The following ADAMTSL1 variants were observed in gnomAD, a reference collection of about 807,000 sequenced individuals.
ADAMTSL1 encodes ADAMTS like 1.
Under a neutral mutation model 201.8 loss-of-function variants are expected in ADAMTSL1, and 126 were observed. That is an observed-to-expected ratio of 0.62 (90% CI 0.54 to 0.72). ADAMTSL1 has a LOEUF of 0.72. ADAMTSL1 is among the 30% of genes least tolerant of loss of function. ADAMTSL1 has a pLI of 0.00. For missense variants in ADAMTSL1, 2,679 were observed against 2,277.8 expected (o/e 1.18, Z -3.59); for synonymous variants, 1,121 against 903.4 (o/e 1.24, Z -4.32).
chr9:18,904,271 C>T (rs1458943379), intron 26 of ADAMTSL1, among the ~76,000 whole-genome samples: 1 of 152,068 alleles, frequency 6.6e-6, no homozygotes, highest in Non-Finnish European at 1.5e-5. Flanking sequence ...GAATTCAAAA[C>T]CAGCCTGACC....
intron 1 of ADAMTSL1, among the ~76,000 whole-genome samples, chr9:17,961,954 G>T (rs921086196): frequency 6.6e-6 from 1 of 152,152 alleles, no homozygotes; most frequent in Non-Finnish European, 1.5e-5. Flanking sequence ...AAACATAGTA[G>T]CATTCACTCT....
chr9:18,785,804 A>C (rs1179689787), intron 19 of ADAMTSL1, among the ~76,000 whole-genome samples: 1 of 152,258 alleles, frequency 6.6e-6, no homozygotes, highest in Non-Finnish European at 1.5e-5. Flanking sequence ...TTCTAGAAAC[A>C]ATACCTGGAA....
intron 1 of ADAMTSL1, among the ~76,000 whole-genome samples, chr9:17,922,606 C>T (rs1006276692): frequency 1.3e-5 from 2 of 152,098 alleles, no homozygotes; most frequent in East Asian, 3.9e-4. Flanking sequence ...TTAGGAAACA[C>T]TGATATGATG....
intron 4 of ADAMTSL1, among the ~76,000 whole-genome samples, chr9:18,585,214 G>A (rs10963650): frequency 1.3e-5 from 2 of 151,898 alleles, no homozygotes; most frequent in Admixed American, 6.6e-5. Flanking sequence ...TTTCCATCTT[G>A]CTATTCCATT....
At chr9:18,579,094 C>G (rs1001940375) in intron 4 of ADAMTSL1, among the ~76,000 whole-genome samples, 1 of 151,492 alleles carries the variant, frequency 6.6e-6, no homozygotes, top group East Asian at 1.9e-4. Flanking sequence ...TGGAACCAAC[C>G]CAAATGTCCA....
In ADAMTSL1 at chr9:18,777,087, G is replaced by T. The variant is rs372249026; in HGVS notation, c.2858G>T (p.Arg953Leu). Residue 953 changes from arginine (R) to leucine (L), a missense_variant, in exon 19 of 29, where the codon CGG (arginine) becomes CTG (leucine). Coordinates refer to ENST00000380548, the MANE Select transcript of ADAMTSL1 (RefSeq NM_001040272.6). The part of the protein sequence containing the change: ...GVYTCSAGPA[R>L]EHFVIKLIGG... ...TACACCTGCTCAGCGGGCCCGGCCCGGGAGCACTTTGTGATTAAGCTCATC... is the reference window on the plus strand; with the variant it reads ...TACACCTGCTCAGCGGGCCCGGCCCTGGAGCACTTTGTGATTAAGCTCATC... The T allele has an allele frequency of 6.2e-7, 1 of 1,613,204 alleles. No homozygotes were observed. Among genetic ancestry groups the T allele is most frequent in the Non-Finnish European group, 8.5e-7 (1 of 1,179,796 alleles).
chr9:18,844,301 T>A (rs1563850960), intron 23 of ADAMTSL1, among the ~76,000 whole-genome samples: 2 of 152,228 alleles, frequency 1.3e-5, no homozygotes, highest in Non-Finnish European at 2.9e-5. Flanking sequence ...AGAGGTCCAC[T>A]CCAGACCCTG....
At chr9:18,419,437 C>A (rs1818837944) in intron 2 of ADAMTSL1, among the ~76,000 whole-genome samples, 1 of 152,098 alleles carries the variant, frequency 6.6e-6, no homozygotes, top group African/African-American at 2.4e-5. Flanking sequence ...ACCCAGTAGT[C>A]CTATTGCTGG....
At chr9:18,165,361 T>A (rs1165754636) in intron 2 of ADAMTSL1, among the ~76,000 whole-genome samples, 1 of 151,904 alleles carries the variant, frequency 6.6e-6, no homozygotes, top group Non-Finnish European at 1.5e-5. Flanking sequence ...AATTGAATAA[T>A]ATGAACTAAT....
chr9:18,536,000 T>G (rs1158359321), intron 3 of ADAMTSL1, among the ~76,000 whole-genome samples: 2 of 152,120 alleles, frequency 1.3e-5, no homozygotes. Flanking sequence ...TAGCACTCCA[T>G]GAGCCAAAAT....
chr9:18,434,398 C>T (rs1458769439), intron 2 of ADAMTSL1, among the ~76,000 whole-genome samples: 1 of 152,146 alleles, frequency 6.6e-6, no homozygotes, highest in Non-Finnish European at 1.5e-5. Flanking sequence ...TTATGGAAAC[C>T]TACAGTACGC....
intron 1 of ADAMTSL1, among the ~76,000 whole-genome samples, chr9:18,488,571 C>T (rs997285065): frequency 6.6e-6 from 1 of 152,166 alleles, no homozygotes; most frequent in African/African-American, 2.4e-5. Flanking sequence ...ATTTTCTGTG[C>T]CCCAGTTTCC....
At chr9:18,337,503 C>A (rs1258022962) in intron 2 of ADAMTSL1, among the ~76,000 whole-genome samples, 1 of 152,090 alleles carries the variant, frequency 6.6e-6, no homozygotes, top group Non-Finnish European at 1.5e-5. Flanking sequence ...CAATTATTAT[C>A]CATATTGTTT....
At chr9:18,307,092 C>G (rs186410851) in intron 2 of ADAMTSL1, among the ~76,000 whole-genome samples, 215 of 152,228 alleles carry the variant, frequency 1.4e-3, no homozygotes, top group Non-Finnish European at 2.3e-3. Flanking sequence ...TCCAGCCAAA[C>G]TAAGCTTCAT....
intron 1 of ADAMTSL1, among the ~76,000 whole-genome samples, chr9:17,975,771 G>A (rs1818422544): frequency 6.6e-6 from 1 of 151,772 alleles, no homozygotes; most frequent in African/African-American, 2.4e-5. Flanking sequence ...CTGTGCTTTT[G>A]GTATTGTTAC....
intron 2 of ADAMTSL1, among the ~76,000 whole-genome samples, chr9:18,370,854 C>T (rs571750545): frequency 3.3e-5 from 5 of 151,916 alleles, no homozygotes; most frequent in Non-Finnish European, 5.9e-5. Flanking sequence ...TACATAATCC[C>T]AGGTGTTCAT....
At chr9:18,860,944 A>C (rs1827173722) in intron 23 of ADAMTSL1, among the ~76,000 whole-genome samples, 1 of 152,224 alleles carries the variant, frequency 6.6e-6, no homozygotes, top group African/African-American at 2.4e-5. Context: ...TGTCCTTGGA[A>C]TGCCTTTGAG....
At chr9:18,357,952 TTTG>T (rs1395550688) in intron 2 of ADAMTSL1, among the ~76,000 whole-genome samples, 1 of 152,162 alleles carries the variant, frequency 6.6e-6, no homozygotes, top group Non-Finnish European at 1.5e-5. Context: ...TATATTTTAC[TTTG>T]TTGTTGTTCA....
chr9:18,531,327 A>T (rs552375191), intron 2 of ADAMTSL1, among the ~76,000 whole-genome samples: 2 of 152,334 alleles, frequency 1.3e-5, no homozygotes, highest in South Asian at 2.1e-4. Context: ...CTGAATAATC[A>T]TCGGTATCAG....
Sources: gnomAD v4.1 joint callset for allele counts (sites outside exome capture counted in the v4.1 genomes callset) on GRCh38, gnomAD v4.1.1 for gene constraint, MANE v1.5 for transcripts, NCBI Gene and HGNC (gene_info 2026-07-23, HGNC 2026-07-21) for gene names.